The following GFI1B variants were observed in gnomAD, a reference collection of about 807,000 sequenced individuals.
The protein encoded by GFI1B is zinc finger protein Gfi-1b.
A neutral mutation model predicts 35.3 loss-of-function variants in GFI1B; 20 were observed. The ratio of observed to expected loss-of-function variants is 0.57; its 90% CI spans 0.40 to 0.82. GFI1B has a LOEUF of 0.82. Ranked by LOEUF, GFI1B falls within the 40% of genes least tolerant of loss-of-function variation. GFI1B has a pLI of 0.00. For missense variants in GFI1B, 430 were observed against 446.3 expected (o/e 0.96, Z 0.33); for synonymous variants, 178 against 177.6 (o/e 1.00, Z -0.02).
intron 1 of GFI1B, among the ~76,000 whole-genome samples, chr9:132,984,283 G>A (rs1848940752): frequency 6.6e-6 from 1 of 152,140 alleles, no homozygotes; most frequent in Non-Finnish European, 1.5e-5. Context: ...CTTTCTTGAA[G>A]CGAAGAAGAG....
rs751385511 is a variant in GFI1B at position 132,989,052 on chromosome 9, T to C, written c.511-9T>C. ...CCCCAGTGGCCTCACATGCTGCCCC[T>C]GCTCCCAGGTCTTCTCCACCCCTCA... On this transcript the variant is annotated splice_polypyrimidine_tract_variant and intron_variant, in intron 4 of 6. Transcript: ENST00000372122. This position sits in a 1 kb window ranked among gnomAD's most constrained non-coding sequence, Gnocchi z 6.2. The C allele has an allele frequency of 6.2e-7, 1 of 1,613,886 alleles. No individual in the cohort carries two copies. The highest frequency in any genetic ancestry group is 8.5e-7 in the Non-Finnish European group (1 of 1,179,802).
chr9:132,990,645 C>T (rs1192040183), intron 6 of GFI1B, among the ~76,000 whole-genome samples: 4 of 152,262 alleles, frequency 2.6e-5, no homozygotes, highest in African/African-American at 9.6e-5. Flanking sequence ...GATGACTCGG[C>T]AGCTGCCCCT....
In GFI1B at chr9:132,990,030, T is replaced by G. The variant is rs551245163; in HGVS notation, c.814+123T>G. On this transcript the variant is annotated intron_variant, in intron 6 of 6. Coordinates refer to ENST00000372122, the MANE Select transcript of GFI1B (RefSeq NM_001377304.1). ...GTCTAGTTACAAAGTCAAAGGCCAC[T>G]GCTGATGGAGGGCTGGGCACCTGTG... The G allele has an allele frequency of 6.0e-6, 5 of 830,480 alleles. No individual in the cohort carries two copies. The African/African-American group carries it at 8.6e-5, about 14-fold the overall frequency. 51.4% of individuals were successfully genotyped at this position (830,480 alleles called of 1,614,324 possible).
At position 132,989,080 on chromosome 9, in the gene GFI1B, G is replaced by A; in HGVS notation, c.530G>A (p.Gly177Glu). The A allele has an allele frequency of 6.2e-7, 1 of 1,614,018 alleles. No homozygotes were observed. Among genetic ancestry groups the A allele is most frequent in the Non-Finnish European group, 8.5e-7 (1 of 1,179,906 alleles). The change falls in exon 5 of 7, where the codon GGG becomes GAG. Residue 177 changes from glycine to glutamate, a missense_variant. By Grantham distance (98) the Gly-to-Glu change is moderately conservative (BLOSUM62 -2). Transcript: ENST00000372122. This position sits in a 1 kb window ranked among gnomAD's most constrained non-coding sequence, Gnocchi z 6.2. The stretch of plus-strand genomic sequence containing the variant: ...TCCCAGGTCTTCTCCACCCCTCACG[G>A]GCTCGAAGTGCATGTGCGACGCTCC... Reference protein sequence around the residue: ...KCNKVFSTPHGLEVHVRRSHS... With the variant: ...KCNKVFSTPHELEVHVRRSHS...
At chr9:132,988,539 C>T (rs1564179191) in intron 4 of GFI1B, 71 bp downstream of exon 4, 4 of 1,397,088 alleles carry the variant, frequency 2.9e-6, no homozygotes, top group Non-Finnish European at 3.0e-6. Context: ...ACTGGCAGCT[C>T]TGGGCGTTCT....
intron 3 of GFI1B, 31 bp downstream of exon 3, chr9:132,987,450 A>G: frequency 6.2e-7 from 1 of 1,613,442 alleles, no homozygotes; most frequent in Non-Finnish European, 8.5e-7. Context: ...GTCATTCCCC[A>G]GGGAGTGCCA....
At chr9:132,965,197 C>A (rs551171490) in intron 1 of GFI1B, among the ~76,000 whole-genome samples, 4 of 152,116 alleles carry the variant, frequency 2.6e-5, no homozygotes, top group Admixed American at 1.3e-4. Context: ...GGCAGGTGCC[C>A]AGTAACAAGA....
At chr9:132,952,827 T>C (rs1044485524) in intron 1 of GFI1B, 1 of 152,248 alleles carries the variant, frequency 6.6e-6, no homozygotes, top group African/African-American at 2.4e-5. Flanking sequence ...AGATGTGGCC[T>C]TTATCCAATG....
At chr9:132,985,103 A>C (rs549021172) in intron 1 of GFI1B, among the ~76,000 whole-genome samples, 27 of 152,194 alleles carry the variant, frequency 1.8e-4, no homozygotes, top group Non-Finnish European at 3.5e-4. Flanking sequence ...CGCCTCAGGC[A>C]TGGGCCTGGT....
intron 1 of GFI1B, among the ~76,000 whole-genome samples, chr9:132,947,423 A>G (rs1393250983): frequency 6.8e-6 from 1 of 146,756 alleles, no homozygotes; most frequent in East Asian, 1.9e-4. Context: ...AAAAAAAAAA[A>G]AAAAAAAGAA....
intron 1 of GFI1B, chr9:132,946,979 A>G (rs1047844934): frequency 6.6e-6 from 1 of 152,564 alleles, no homozygotes; most frequent in East Asian, 1.9e-4. Context: ...CAGCTCTACT[A>G]CCATCTCCTG....
chr9:132,949,417 C>A (rs1848168919), intron 1 of GFI1B, among the ~76,000 whole-genome samples: 1 of 152,024 alleles, frequency 6.6e-6, no homozygotes, highest in Non-Finnish European at 1.5e-5. Context: ...ACTGAACCAG[C>A]CTGATTCTCC....
intron 6 of GFI1B, 43 bp from the exon 7 acceptor site, chr9:132,990,829 G>A (rs748984330): frequency 6.9e-6 from 11 of 1,598,588 alleles, no homozygotes; most frequent in Non-Finnish European, 8.6e-6. Flanking sequence ...TGGTGAGGAG[G>A]CCCTGACCCC....
intron 1 of GFI1B, among the ~76,000 whole-genome samples, chr9:132,980,271 T>A (rs1848776353): frequency 6.6e-6 from 1 of 152,186 alleles, no homozygotes; most frequent in African/African-American, 2.4e-5. Context: ...TCAAAGGCTC[T>A]GGGACCAGAT....
At chr9:132,946,622 C>G (rs930309932) in intron 1 of GFI1B, 1 of 152,244 alleles carries the variant, frequency 6.6e-6, no homozygotes, top group Non-Finnish European at 1.5e-5. Context: ...TTTGCATTCA[C>G]ACCAGGGAAG....
chr9:132,993,088 G>A (rs1849329599), downstream of GFI1B, among the ~76,000 whole-genome samples: 1 of 152,176 alleles, frequency 6.6e-6, no homozygotes, highest in South Asian at 2.1e-4. Context: ...GAGGTCAGGA[G>A]TTCGAGACCA....
intron 4 of GFI1B, among the ~76,000 whole-genome samples, 170 bp from the exon 5 acceptor site, chr9:132,988,891 C>T (rs1289230309): frequency 2.0e-5 from 3 of 152,050 alleles, no homozygotes; most frequent in East Asian, 3.9e-4. Context: ...GAGAGGCAAA[C>T]GGACCTCCCT....
At chr9:132,987,260 T>C (rs1849103481) in intron 2 of GFI1B, 22 bp from the exon 3 acceptor site, 2 of 1,612,566 alleles carry the variant, frequency 1.2e-6, no homozygotes, top group East Asian at 2.2e-5. Flanking sequence ...CTATTGATGC[T>C]GATGGTCCTA....
Position 132,989,363 on chromosome 9 carries a change from GC to G in GFI1B, c.648+168del, listed in dbSNP as rs1311484599. On this transcript the variant is annotated intron_variant, in intron 5 of 6. Coordinates refer to ENST00000372122, the MANE Select transcript of GFI1B (RefSeq NM_001377304.1). This position sits in a 1 kb window ranked among gnomAD's most constrained non-coding sequence, Gnocchi z 6.2. ...CCCTGGGTCTGGGTCTCCAACACCT[GC>G]CCTTAACAAACTTCAGACTCTTAAC... is the stretch of plus-strand genomic sequence containing the variant. Among the ~76,000 whole-genome samples the G allele has an allele frequency of 6.6e-6, 1 of 152,092 alleles. No homozygotes were observed. The highest frequency in any genetic ancestry group is 1.5e-5 in the Non-Finnish European group (1 of 68,014).
Sources: allele counts gnomAD v4.1 joint callset (sites outside exome capture counted in the v4.1 genomes callset), GRCh38; gene constraint gnomAD v4.1.1; non-coding constraint Gnocchi (gnomAD v3.1); transcripts MANE v1.5; gene names NCBI Gene and HGNC (gene_info 2026-07-23, HGNC 2026-07-21).